TRIM24: variants seen among roughly 807,000 people sequenced by gnomAD.
TRIM24 encodes transcription intermediary factor 1-alpha.
In TRIM24, 29 loss-of-function variants were observed where a neutral mutation model predicts 123.9. That is an observed-to-expected ratio of 0.23 (90% CI 0.17 to 0.32). The LOEUF (loss-of-function observed/expected upper bound fraction) is 0.32, where lower values mean the gene tolerates loss of function less well. Ranked by LOEUF, TRIM24 falls within the 10% of genes least tolerant of loss-of-function variation. TRIM24 has a pLI of 1.00. For synonymous variants in TRIM24, 456 were observed against 461.1 expected (o/e 0.99, Z 0.14); for missense variants, 932 against 1,295.3 (o/e 0.72, Z 4.31).
At chr7:138,489,510 G>A (rs1795731147) in intron 1 of TRIM24, among the ~76,000 whole-genome samples, 1 of 152,114 alleles carries the variant, frequency 6.6e-6, no homozygotes, top group Admixed American at 6.5e-5. Flanking sequence ...CATGTTTAGT[G>A]CTTCCTTTAG....
chr7:138,574,284 A>AC (rs772739734), intron 12 of TRIM24, among the ~76,000 whole-genome samples: 5 of 152,302 alleles, frequency 3.3e-5, no homozygotes, highest in Non-Finnish European at 5.9e-5. Context: ...ATCTTGACAT[A>AC]CCTACTCATT....
intron 1 of TRIM24, among the ~76,000 whole-genome samples, chr7:138,484,603 T>G (rs1001838361): frequency 1.3e-5 from 2 of 152,154 alleles, no homozygotes; most frequent in African/African-American, 4.8e-5. Context: ...TAATACTTTG[T>G]TTATTACTTT....
chr7:138,523,668 G>A (rs534795309), intron 4 of TRIM24, among the ~76,000 whole-genome samples: 3 of 148,774 alleles, frequency 2.0e-5, no homozygotes, highest in African/African-American at 7.4e-5. Flanking sequence ...GGAGAATGGC[G>A]TGAACCCAGG....
chr7:138,547,658 G>A (rs979351686), intron 7 of TRIM24, among the ~76,000 whole-genome samples: 7 of 152,040 alleles, frequency 4.6e-5, no homozygotes, highest in African/African-American at 1.7e-4. Flanking sequence ...ATTCTACCTA[G>A]TCCCAAAATA....
At position 138,504,447 on chromosome 7, in the gene TRIM24, C is replaced by CTTTTTT. The variant is rs750956455; in HGVS notation, c.483+60_483+65dup. ...ATCTTGAACCTTTTGCCTGCCAGCT[C>CTTTTTT]TTTTTTTTTTTTTTTTTTTTTTTTT... is the stretch of plus-strand genomic sequence containing the variant. On this transcript the variant is annotated intron_variant, in intron 2 of 18. Transcript: ENST00000343526. The CTTTTTT allele has an allele frequency of 1.2e-4, 19 of 155,188 alleles. No homozygotes were observed. The South Asian group carries it at 1.3e-3, about 10-fold the overall frequency. The allele number at this position is 155,188 out of a possible 1,614,324, so 9.6% of individuals were successfully genotyped here. A position where few individuals can be genotyped will look rare whatever the true frequency, so the allele number is the denominator to read the frequency against.
At chr7:138,583,082 T>C (rs1797936569) in intron 17 of TRIM24, among the ~76,000 whole-genome samples, 1 of 152,206 alleles carries the variant, frequency 6.6e-6, no homozygotes, top group Admixed American at 6.5e-5. Flanking sequence ...TTGGCAGGAT[T>C]ATCCCTATTT....
intron 5 of TRIM24, among the ~76,000 whole-genome samples, 176 bp from the exon 6 acceptor site, chr7:138,528,940 T>C (rs1197169080): frequency 6.6e-6 from 1 of 152,054 alleles, no homozygotes. Flanking sequence ...GTGATATCTT[T>C]CAGAAGAATT....
In TRIM24 at chr7:138,518,551, G is replaced by A. The variant is rs147294314; in HGVS notation, c.632-638G>A. On this transcript the variant is annotated intron_variant, in intron 3 of 18. Transcript: ENST00000343526. ...TAATAATGAAAACATTATTATTTCT[G>A]TGTTAATGGGTATTCTCTGTTAGGA... Among the ~76,000 whole-genome samples the A allele has an allele frequency of 4.3e-3, 649 of 152,178 alleles. 6 individuals are homozygous for A. The highest frequency in any genetic ancestry group is 0.015 in the African/African-American group (634 of 41,522).
rs1256723620 is a variant in TRIM24, at chr7:138,589,416, C to T, written c.*4465C>T. 1 of 152,118 alleles carries T rather than the reference C, an allele frequency of 6.6e-6. No homozygotes were observed. The highest frequency in any genetic ancestry group is 1.9e-4 in the East Asian group (1 of 5,196). The allele number at this position is 152,118 out of a possible 1,614,324, so 9.4% of individuals were successfully genotyped here. ...CAAGGATTTTTTAATAGAAAAATTA[C>T]TGAATGTTACTTCAGCAGAGTTCTA... On this transcript the variant is annotated 3_prime_UTR_variant, in exon 19 of 19. Coordinates refer to ENST00000343526, the MANE Select transcript of TRIM24 (RefSeq NM_015905.3).
chr7:138,580,293 T>C (rs1270384381), intron 15 of TRIM24, among the ~76,000 whole-genome samples: 1 of 152,192 alleles, frequency 6.6e-6, no homozygotes, highest in Non-Finnish European at 1.5e-5. Context: ...TAGATTAAAT[T>C]TGTTTAGGTG....
chr7:138,491,043 A>G (rs1467162371), intron 1 of TRIM24: 4 of 260,748 alleles, frequency 1.5e-5, no homozygotes, highest in Non-Finnish European at 3.0e-5. Context: ...CCTGGAACAC[A>G]TTTTGTCCTG....
Position 138,579,180 on chromosome 7 carries a change from AAATAT to A in TRIM24, c.2257-22_2257-18del, listed in dbSNP as rs754784186. ...GATAAAATTTTTTTTAAAGCCAGTT[AAATAT>A]ATTTTTTTTCTACTACAGGCCAATT... On this transcript the variant is annotated intron_variant, in intron 14 of 18. Transcript: ENST00000343526. 4 of 1,530,022 alleles carry A rather than the reference AAATAT, an allele frequency of 2.6e-6. No individual in the cohort carries two copies. The highest frequency in any genetic ancestry group is 3.5e-6 in the Non-Finnish European group (4 of 1,140,548). The allele number at this position is 1,530,022 out of a possible 1,614,324, so 94.8% of individuals were successfully genotyped here.
chr7:138,506,490 C>T (rs1332620385), intron 2 of TRIM24, among the ~76,000 whole-genome samples: 1 of 151,996 alleles, frequency 6.6e-6, no homozygotes, highest in Admixed American at 6.6e-5. Context: ...CTAAAAAATA[C>T]AGTAGCATAA....
At chr7:138,508,692 T>TGTGTGTGTGTGTGCGC (rs1422176564) in intron 2 of TRIM24, among the ~76,000 whole-genome samples, 2 of 137,212 alleles carry the variant, frequency 1.5e-5, no homozygotes, top group African/African-American at 5.5e-5. Context: ...TGTGTGTGTG[T>TGTGTGTGTGTGTGCGC]GCGCGCGCGT....
chr7:138,530,496 C>T (rs1477332149), intron 6 of TRIM24, among the ~76,000 whole-genome samples: 2 of 152,092 alleles, frequency 1.3e-5, no homozygotes, highest in African/African-American at 4.8e-5. Flanking sequence ...GACAGGGTCT[C>T]ACTCTGTTGC....
intron 7 of TRIM24, chr7:138,545,334 G>GA: frequency 2.3e-6 from 1 of 440,068 alleles, no homozygotes; most frequent in South Asian, 1.6e-5. Flanking sequence ...CCACGGATGT[G>GA]AAGTGGTGAG....
At position 138,587,310 on chromosome 7, in the gene TRIM24, A is replaced by G. The variant is rs1228431654; in HGVS notation, c.*2359A>G. On this transcript the variant is annotated 3_prime_UTR_variant, in exon 19 of 19. Transcript: ENST00000343526. ...AGAAGTTGCAGTGAGCCAAGATCTC[A>G]CCATTGCACTCCAGCCTGAGTGACA... The G allele has an allele frequency of 6.6e-6, 1 of 152,224 alleles. No homozygotes were observed. The highest frequency in any genetic ancestry group is 2.4e-5 in the African/African-American group (1 of 41,430). 9.4% of individuals were successfully genotyped at this position (152,224 alleles called of 1,614,324 possible).
rs1293472177 is a variant in TRIM24 at position 138,567,483 on chromosome 7, A to G, written c.1533A>G (p.Gln511=). The G allele has an allele frequency of 1.3e-6, 2 of 1,597,976 alleles. No homozygotes were observed. The highest frequency in any genetic ancestry group is 1.7e-6 in the Non-Finnish European group (2 of 1,174,284). ...PIQQPSISHQ[Q]PPPRLINFQN... ...TTGGTTTAATTTCTTTTTTCTAGCA[A>G]CCGCCTCCACGTTTGATAAACTTTC... Residue 511 remains glutamine, a splice_region_variant and synonymous_variant, in exon 10 of 19, where the codon CAA becomes CAG. Coordinates refer to ENST00000343526, the MANE Select transcript of TRIM24 (RefSeq NM_015905.3).
chr7:138,551,025 T>G lies in TRIM24; in HGVS notation c.1144-38T>G, dbSNP rs763622831. 3.2e-6 allele frequency: 5 copies of G among 1,543,592 alleles called. No homozygotes were observed. The African/African-American group carries it at 5.4e-5, about 17-fold the overall frequency. ...TATTTACTGGGCGCTTAATAAATTA[T>G]TTGCCTAATATTTAGTTATCTCTCC... On this transcript the variant is annotated intron_variant, in intron 7 of 18. Transcript: ENST00000343526.
Sources: gnomAD v4.1 joint callset for allele counts (sites outside exome capture counted in the v4.1 genomes callset) on GRCh38, gnomAD v4.1.1 for gene constraint, MANE v1.5 for transcripts, NCBI Gene and HGNC (gene_info 2026-07-23, HGNC 2026-07-21) for gene names.